PSMA7: variants seen among roughly 807,000 people sequenced by gnomAD.
PSMA7 encodes proteasome subunit alpha type-7.
PSMA7 carries 5 observed loss-of-function variants against 31.3 expected under a neutral mutation model. The ratio of observed to expected loss-of-function variants is 0.16; its 90% CI spans 0.08 to 0.34. The LOEUF is 0.34. Ranked by LOEUF, PSMA7 falls within the 10% of genes least tolerant of loss-of-function variation. The pLI, the probability that PSMA7 is intolerant of heterozygous loss-of-function variation, is 1.00. For missense variants in PSMA7, 217 were observed against 327.5 expected, an observed-to-expected ratio of 0.66 and a Z score of 2.60; for synonymous variants, 155 against 121.9, an observed-to-expected ratio of 1.27 and a Z score of -1.79.
chr20:62,143,311 G>T lies in PSMA7; in HGVS notation c.-8C>A. ...GGCGCGGTCGTAGCTCATGCCGGCG[G>T]GCGGCGGCCGGGCTCCTTCCGCCGC... is the stretch of plus-strand genomic sequence containing the variant. On this transcript the variant is annotated 5_prime_UTR_variant, in exon 1 of 7. Coordinates refer to ENST00000370873, the MANE Select transcript of PSMA7 (RefSeq NM_002792.4). The T allele has an allele frequency of 2.1e-6, 3 of 1,400,168 alleles. No homozygotes were observed. In the East Asian group the frequency reaches 1.0e-4, roughly 46 times the overall value. The allele number at this position is 1,400,168 out of a possible 1,614,324, so 86.7% of individuals were successfully genotyped here. A position where few individuals can be genotyped will look rare whatever the true frequency, so the allele number is the denominator to read the frequency against.
intron 4 of PSMA7, among the ~76,000 whole-genome samples, 177 bp from the exon 5 acceptor site, chr20:62,138,467 C>T (rs1213457247): frequency 6.6e-6 from 1 of 152,026 alleles, no homozygotes; most frequent in Non-Finnish European, 1.5e-5. Context: ...TTGCAAAGAG[C>T]TCTTTAGAGT....
chr20:62,140,979 G>A (rs1568726843), intron 1 of PSMA7, 35 bp from the exon 2 acceptor site: 1 of 1,612,230 alleles, frequency 6.2e-7, no homozygotes, highest in South Asian at 1.1e-5. Flanking sequence ...GTAAGAAAGT[G>A]ATATGAGTGC....
At chr20:62,142,442 G>C (rs1273576018) in intron 1 of PSMA7, 1 of 152,282 alleles carries the variant, frequency 6.6e-6, no homozygotes, top group African/African-American at 2.4e-5. Flanking sequence ...CTGAATACCA[G>C]ATGATAAAAG....
In PSMA7 at chr20:62,139,021, C is replaced by T. The variant is rs547883828; in HGVS notation, c.471+54G>A. ...AGCAGGAAGCCCAGGACCTCCCACCCCTCAAAGCCTTTTTCTGGCAAGACT... is the reference window on the plus strand; with the variant it reads ...AGCAGGAAGCCCAGGACCTCCCACCTCTCAAAGCCTTTTTCTGGCAAGACT... On this transcript the variant is annotated intron_variant, in intron 4 of 6. Transcript: ENST00000370873. 9.4e-6 allele frequency: 15 copies of T among 1,598,144 alleles called. No homozygotes were observed. In the East Asian group the frequency reaches 2.7e-4, roughly 29 times the overall value.
intron 5 of PSMA7, 69 bp from the exon 6 acceptor site, chr20:62,137,495 T>G: frequency 6.9e-7 from 1 of 1,448,130 alleles, no homozygotes; most frequent in Non-Finnish European, 9.7e-7. Context: ...CTCTCAGGAG[T>G]ACCTTAAATA....
At chr20:62,139,390 C>G in intron 3 of PSMA7, 193 bp from the exon 4 acceptor site, 1 of 753,420 alleles carries the variant, frequency 1.3e-6, no homozygotes, top group Non-Finnish European at 2.1e-6. Flanking sequence ...AAAAACTCAC[C>G]TAGGACCAGA....
Position 62,143,345 on chromosome 20 carries a change from A to T in PSMA7, c.-42T>A. On this transcript the variant is annotated 5_prime_UTR_variant, in exon 1 of 7. In the 5' UTR this introduces an upstream ATG that the reference lacks. Transcript: ENST00000370873. Reference sequence around the variant, plus strand: ...CGGGCTCCTTCCGCCGCGACTCTCAAAAGCGCACACTCACGGCCCGCGCGC... The same window carrying T: ...CGGGCTCCTTCCGCCGCGACTCTCATAAGCGCACACTCACGGCCCGCGCGC... 1 of 1,285,186 alleles carries T rather than the reference A, an allele frequency of 7.8e-7. No individual in the cohort carries two copies. Among genetic ancestry groups the T allele is most frequent in the Non-Finnish European group, 1.0e-6 (1 of 980,340 alleles). The allele number at this position is 1,285,186 out of a possible 1,614,324, so 79.6% of individuals were successfully genotyped here. A position where few individuals can be genotyped will look rare whatever the true frequency, so the allele number is the denominator to read the frequency against.
intron 2 of PSMA7, 31 bp from the exon 3 acceptor site, chr20:62,139,936 A>G (rs1260465559): frequency 1.2e-6 from 2 of 1,607,786 alleles, no homozygotes; most frequent in Non-Finnish European, 1.7e-6. Flanking sequence ...CTTCTGCTAG[A>G]GAGACAGCAC....
intron 5 of PSMA7, 130 bp downstream of exon 5, chr20:62,138,041 C>T (rs2056905550): frequency 1.6e-6 from 2 of 1,255,460 alleles, no homozygotes; most frequent in East Asian, 2.4e-5. Flanking sequence ...CAGAGCAGTG[C>T]CTGGAACACA....
intron 1 of PSMA7, among the ~76,000 whole-genome samples, chr20:62,141,800 T>G (rs1234949442): frequency 1.3e-5 from 2 of 152,224 alleles, no homozygotes; most frequent in South Asian, 4.1e-4. Flanking sequence ...CCCAAACTGT[T>G]TATGGCTGAT....
At chr20:62,141,330 A>T (rs1319390271) in intron 1 of PSMA7, among the ~76,000 whole-genome samples, 3 of 152,132 alleles carry the variant, frequency 2.0e-5, no homozygotes, top group Non-Finnish European at 2.9e-5. Context: ...GCAGATCTGA[A>T]CCTGGGTCCT....
At position 62,136,823 on chromosome 20, in the gene PSMA7, A is replaced by G; in HGVS notation, c.*34T>C. ...TCGAGACTCATCCATGATTGATATG[A>G]ATTTAAAAATTACAAGCAAAGACAT... On this transcript the variant is annotated 3_prime_UTR_variant, in exon 7 of 7. Transcript: ENST00000370873. The G allele has an allele frequency of 2.5e-6, 4 of 1,581,376 alleles. No individual in the cohort carries two copies. The highest frequency in any genetic ancestry group is 3.4e-6 in the Non-Finnish European group (4 of 1,168,794).
intron 4 of PSMA7, among the ~76,000 whole-genome samples, chr20:62,138,697 G>C (rs906402126): frequency 1.3e-5 from 2 of 152,018 alleles, no homozygotes; most frequent in Non-Finnish European, 2.9e-5. Flanking sequence ...TGGGATTACA[G>C]GCATGTGCCA....
chr20:62,138,755 G>T (rs950688693), intron 4 of PSMA7, among the ~76,000 whole-genome samples: 1 of 151,930 alleles, frequency 6.6e-6, no homozygotes, highest in South Asian at 2.1e-4. Context: ...ACAGGGTTCT[G>T]CCATGTTGGC....
Position 62,140,952 on chromosome 20 carries a change from T to G in PSMA7, c.97-8A>C. On this transcript the variant is annotated splice_polypyrimidine_tract_variant and splice_region_variant and intron_variant, in intron 1 of 6. Transcript: ENST00000370873. ...TCTTCCTCGAACACCAACCTTTAAT[T>G]AAGATCCACAAACCACGTAAGAAAG... is the stretch of plus-strand genomic sequence containing the variant. 2 of 1,613,980 alleles carry G rather than the reference T, an allele frequency of 1.2e-6. No individual in the cohort carries two copies. Among genetic ancestry groups the G allele is most frequent in the Non-Finnish European group, 1.7e-6 (2 of 1,179,988 alleles).
At chr20:62,140,493 C>G (rs562377099) in intron 2 of PSMA7, among the ~76,000 whole-genome samples, 1 of 152,216 alleles carries the variant, frequency 6.6e-6, no homozygotes, top group Non-Finnish European at 1.5e-5. Flanking sequence ...TCTGTCCTCT[C>G]CATGCCACAG....
Position 62,138,030 on chromosome 20 carries a change from C to T in PSMA7, c.591+141G>A, listed in dbSNP as rs114428859. On this transcript the variant is annotated intron_variant, in intron 5 of 6. Coordinates refer to ENST00000370873, the MANE Select transcript of PSMA7 (RefSeq NM_002792.4). ...CACAGCAGTTAGGATACACCATAGA[C>T]CAGAGCAGTGCCTGGAACACAGCAG... 7.4e-4 allele frequency: 843 copies of T among 1,144,172 alleles called. 3 individuals carry two copies. The African/African-American group carries it at 9.7e-3, about 13-fold the overall frequency. The allele number at this position is 1,144,172 out of a possible 1,614,324, so 70.9% of individuals were successfully genotyped here.
intron 2 of PSMA7, 85 bp downstream of exon 2, chr20:62,140,733 A>T (rs1439094952): frequency 1.3e-6 from 2 of 1,503,432 alleles, no homozygotes; most frequent in Non-Finnish European, 9.1e-7. Flanking sequence ...GGCTCACAAT[A>T]GCCCACACAC....
At chr20:62,140,429 G>T (rs2145665521) in intron 2 of PSMA7, among the ~76,000 whole-genome samples, 1 of 152,348 alleles carries the variant, frequency 6.6e-6, no homozygotes, top group South Asian at 2.1e-4. Flanking sequence ...GGCGAGGCAT[G>T]GCCTGCATCC....
Sources: gnomAD v4.1 joint callset for allele counts (sites outside exome capture counted in the v4.1 genomes callset) on GRCh38, gnomAD v4.1.1 for gene constraint, MANE v1.5 for transcripts, NCBI Gene and HGNC (gene_info 2026-07-23, HGNC 2026-07-21) for gene names.